GHITM: variants seen among roughly 807,000 people sequenced by gnomAD.
GHITM encodes the protein growth hormone-inducible transmembrane protein.
In GHITM, 24 loss-of-function variants were observed where a neutral mutation model predicts 38.7. The ratio of observed to expected loss-of-function variants is 0.62; its 90% confidence interval spans 0.45 to 0.87. The LOEUF is 0.87. GHITM is among the 40% of genes least tolerant of loss of function. The probability of loss-of-function intolerance (pLI) is 0.00; values close to 1 mark genes in which losing one functional copy is unlikely to be tolerated. For synonymous variants in GHITM, 154 were observed against 147.8 expected, an observed-to-expected ratio of 1.04 and a Z score of -0.30; for missense variants, 420 against 429.8, an observed-to-expected ratio of 0.98 and a Z score of 0.20.
chr10:84,147,745 A>G (rs1489815649), intron 5 of GHITM, among the ~76,000 whole-genome samples: 1 of 152,134 alleles, frequency 6.6e-6, no homozygotes, highest in Admixed American at 6.6e-5. Context: ...TTTCCATTAC[A>G]TGTTAATACA....
intron 1 of GHITM, 133 bp from the exon 2 acceptor site, chr10:84,141,329 G>A (rs577411201): frequency 3.4e-5 from 19 of 560,502 alleles, no homozygotes; most frequent in South Asian, 2.6e-4. Context: ...AATTAAAAAG[G>A]TCGCTTTATT....
chr10:84,147,682 G>C (rs1841569661), intron 5 of GHITM, among the ~76,000 whole-genome samples: 1 of 152,010 alleles, frequency 6.6e-6, no homozygotes, highest in African/African-American at 2.4e-5. Flanking sequence ...GATTCCAAGG[G>C]CTACAAGTTT....
chr10:84,144,771 T>G, intron 4 of GHITM, 104 bp from the exon 5 acceptor site: 2 of 646,588 alleles, frequency 3.1e-6, no homozygotes, highest in South Asian at 2.3e-5. Context: ...TGAATAAGAT[T>G]TAAAGTGTAA....
chr10:84,139,879 G>C (rs1301457235), intron 1 of GHITM: 1 of 152,716 alleles, frequency 6.5e-6, no homozygotes, highest in Non-Finnish European at 1.5e-5. Flanking sequence ...CGCTGCGCTG[G>C]TAGCGGCACC....
rs1008030703 is a variant in GHITM, at chr10:84,144,891, G to A, written c.358G>A (p.Val120Ile). The change falls in exon 5 of 9, where the codon GTC becomes ATC. Residue 120 changes from valine to isoleucine, a missense_variant. Val to Ile is a conservative substitution (Grantham distance 29). Transcript: ENST00000372134. ...IEKAVIWPQY[V>I]KDRIHSTYMY... ...TTCTTACAGAATTTGGCCTCAGTAT[G>A]TCAAGGATAGAATTCATTCCACCTA... 6.3e-7 allele frequency: 1 copy of A among 1,595,072 alleles called. No homozygotes were observed. Among genetic ancestry groups the A allele is most frequent in the Non-Finnish European group, 8.6e-7 (1 of 1,168,478 alleles).
chr10:84,144,208 T>C (rs1003164047), intron 4 of GHITM, 102 bp downstream of exon 4: 1 of 721,602 alleles, frequency 1.4e-6, no homozygotes, highest in East Asian at 2.5e-5. Flanking sequence ...TTTGGAATGT[T>C]TTGTGTCTAG....
In GHITM at chr10:84,141,728, C is replaced by T. The variant is rs1024026991; in HGVS notation, c.129+99C>T. On this transcript the variant is annotated intron_variant, in intron 2 of 8. Coordinates refer to ENST00000372134, the MANE Select transcript of GHITM (RefSeq NM_014394.3). ...GCTCTGCCTTTAGTGTGTTATACGT[C>T]AGTTAGCCCTGATAATATCCCCAAT... 3 of 1,112,322 alleles carry T rather than the reference C, an allele frequency of 2.7e-6. No individual in the cohort carries two copies. In the South Asian group the frequency reaches 3.9e-5, roughly 14 times the overall value. 68.9% of individuals were successfully genotyped at this position (1,112,322 alleles called of 1,614,324 possible).
At chr10:84,150,913 C>G (rs1333549842) in intron 8 of GHITM, 33 bp downstream of exon 8, 1 of 1,434,246 alleles carries the variant, frequency 7.0e-7, no homozygotes, top group Non-Finnish European at 9.8e-7. Context: ...CACTGTTACT[C>G]TGTCACATAA....
intron 5 of GHITM, among the ~76,000 whole-genome samples, chr10:84,146,631 T>A (rs983853143): frequency 6.6e-6 from 1 of 152,222 alleles, no homozygotes. Context: ...ACTGGGGATG[T>A]CAGTTTTAAT....
At chr10:84,141,820 A>G (rs2132733986) in intron 2 of GHITM, among the ~76,000 whole-genome samples, 191 bp downstream of exon 2, 1 of 152,198 alleles carries the variant, frequency 6.6e-6, no homozygotes, top group South Asian at 2.1e-4. Context: ...ATAGAAAATG[A>G]GTTTCTGTAA....
chr10:84,141,222 G>C (rs1430736622), intron 1 of GHITM, among the ~76,000 whole-genome samples: 1 of 152,200 alleles, frequency 6.6e-6, no homozygotes, highest in Admixed American at 6.5e-5. Flanking sequence ...GTCAAACTGG[G>C]ACTTAAACCT....
chr10:84,148,658 A>G (rs542162608), intron 5 of GHITM, 72 bp from the exon 6 acceptor site: 133 of 860,312 alleles, frequency 1.5e-4, no homozygotes, highest in Non-Finnish European at 2.2e-4. Flanking sequence ...AACTAATTGT[A>G]CTTCAAACCT....
chr10:84,141,916 G>A (rs548536399), intron 2 of GHITM, among the ~76,000 whole-genome samples: 12 of 148,576 alleles, frequency 8.1e-5, no homozygotes, highest in Admixed American at 3.3e-4. Flanking sequence ...ATAGTGTAAC[G>A]GAGATCCTGG....
At chr10:84,151,184 G>C (rs1459955934) in intron 8 of GHITM, among the ~76,000 whole-genome samples, 1 of 152,160 alleles carries the variant, frequency 6.6e-6, no homozygotes. Flanking sequence ...GATCATTCCA[G>C]TCTCTGTCTC....
intron 8 of GHITM, among the ~76,000 whole-genome samples, chr10:84,151,887 T>G (rs1841615678): frequency 1.3e-5 from 2 of 152,190 alleles, no homozygotes; most frequent in East Asian, 3.9e-4. Flanking sequence ...TTTAGAGGGG[T>G]GAAGTGGGTC....
intron 2 of GHITM, 70 bp from the exon 3 acceptor site, chr10:84,142,585 C>T (rs1037499909): frequency 5.3e-6 from 5 of 951,668 alleles, no homozygotes; most frequent in Non-Finnish European, 8.1e-6. Flanking sequence ...GTAAAGGGAT[C>T]TTGCATTTTA....
At chr10:84,140,338 A>G (rs1477499030) in intron 1 of GHITM, 1 of 152,204 alleles carries the variant, frequency 6.6e-6, no homozygotes, top group Non-Finnish European at 1.5e-5. Context: ...AGCTCGGAGG[A>G]CGCTCGGGTA....
At chr10:84,145,049 C>T in intron 5 of GHITM, 33 bp downstream of exon 5, 1 of 1,549,262 alleles carries the variant, frequency 6.5e-7, no homozygotes, top group South Asian at 1.2e-5. Context: ...CCTTTTTCAT[C>T]TAAAGATCAA....
chr10:84,145,909 A>G (rs966914857), intron 5 of GHITM, among the ~76,000 whole-genome samples: 5 of 152,198 alleles, frequency 3.3e-5, no homozygotes, highest in African/African-American at 1.2e-4. Flanking sequence ...AGAAGTAGAC[A>G]AGAGGGCCAG....
Sources: allele counts gnomAD v4.1 joint callset (sites outside exome capture counted in the v4.1 genomes callset), GRCh38; gene constraint gnomAD v4.1.1; transcripts MANE v1.5; gene names NCBI Gene and HGNC (gene_info 2026-07-23, HGNC 2026-07-21).